The following MGA variants were observed in gnomAD, a reference collection of about 807,000 sequenced individuals.
MGA encodes the protein MAX gene-associated protein.
A neutral mutation model predicts 261.1 loss-of-function variants in MGA; 40 were observed. That is an observed-to-expected ratio of 0.15 (90% confidence interval 0.12 to 0.20). The LOEUF (loss-of-function observed/expected upper bound fraction) is 0.20, where lower values mean the gene tolerates loss of function less well. MGA is among the 10% of genes least tolerant of loss of function. The pLI is 1.00. For synonymous variants in MGA, 1,302 were observed against 1,290.6 expected, an observed-to-expected ratio of 1.01 and a Z score of -0.19; for missense variants, 3,397 against 3,630.5, an observed-to-expected ratio of 0.94 and a Z score of 1.65.
In MGA at chr15:41,743,025, C is replaced by G; in HGVS notation, c.5065C>G (p.Pro1689Ala). ...AGCATCTCCTTCAACCATAACTCTT[C>G]CTGTTGCTTCCACTGCTTCCACCTC... Residue 1689 changes from proline (P) to alanine (A), a missense_variant, in exon 15 of 24, where the codon CCT becomes GCT. Pro to Ala is a conservative substitution (Grantham distance 27). Coordinates refer to ENST00000219905, the MANE Select transcript of MGA (RefSeq NM_001164273.2). The G allele has an allele frequency of 6.2e-7, 1 of 1,613,982 alleles. No homozygotes were observed. The highest frequency in any genetic ancestry group is 8.5e-7 in the Non-Finnish European group (1 of 1,179,880).
intron 11 of MGA, among the ~76,000 whole-genome samples, chr15:41,729,667 C>CA (rs572661702): frequency 3.8e-4 from 55 of 143,586 alleles, no homozygotes; most frequent in East Asian, 8.1e-4. Context: ...ACTAAAAATA[C>CA]AAAAAAAAAA....
intron 1 of MGA, among the ~76,000 whole-genome samples, chr15:41,624,721 C>A (rs965430500): frequency 6.6e-6 from 1 of 152,168 alleles, no homozygotes; most frequent in Non-Finnish European, 1.5e-5. Flanking sequence ...CTTCCCATCT[C>A]GGCCTCCTAA....
intron 2 of MGA, among the ~76,000 whole-genome samples, chr15:41,687,623 AT>A (rs1566976936): frequency 1.3e-5 from 2 of 152,164 alleles, no homozygotes; most frequent in Admixed American, 1.3e-4. Flanking sequence ...CATTCTACAC[AT>A]TTGGTATGTT....
intron 15 of MGA, 126 bp downstream of exon 15, chr15:41,743,298 T>A: frequency 8.3e-7 from 1 of 1,210,382 alleles, no homozygotes; most frequent in Non-Finnish European, 1.1e-6. Flanking sequence ...ACATGATACA[T>A]GTATTCCTGA....
At chr15:41,750,656 T>A (rs752011091) in intron 17 of MGA, 41 bp downstream of exon 17, 9 of 1,512,660 alleles carry the variant, frequency 5.9e-6, no homozygotes, top group Non-Finnish European at 6.2e-6. Flanking sequence ...CCTAAAGGAT[T>A]TAAATGATTT....
chr15:41,660,851 T>C (rs1411315556), intron 1 of MGA, among the ~76,000 whole-genome samples: 3 of 151,900 alleles, frequency 2.0e-5, no homozygotes, highest in African/African-American at 7.3e-5. Context: ...TGCCCTCGCG[T>C]GTGTGGGGTG....
intron 5 of MGA, among the ~76,000 whole-genome samples, chr15:41,700,477 C>G (rs887723147): frequency 6.6e-6 from 1 of 152,124 alleles, no homozygotes; most frequent in African/African-American, 2.4e-5. Flanking sequence ...CTCCCACTTA[C>G]GAGTGAAAAC....
intron 1 of MGA, among the ~76,000 whole-genome samples, chr15:41,632,821 T>C (rs1461650284): frequency 6.7e-6 from 1 of 150,138 alleles, no homozygotes; most frequent in African/African-American, 2.4e-5. Context: ...TTGGCTTCAA[T>C]GCATAATGGG....
intron 17 of MGA, 176 bp downstream of exon 17, chr15:41,750,791 A>G: frequency 1.7e-6 from 1 of 583,364 alleles, no homozygotes; most frequent in South Asian, 2.9e-5. Context: ...AGCATCATTT[A>G]TTGAGCTTTT....
At chr15:41,736,098 T>G (rs2061763038) in intron 12 of MGA, 83 bp from the exon 13 acceptor site, 16 of 1,209,322 alleles carry the variant, frequency 1.3e-5, no homozygotes, top group South Asian at 7.0e-5. Flanking sequence ...AATGTGACAG[T>G]TTTTTTTCAG....
chr15:41,735,354 A>G (rs1288044858), intron 12 of MGA, among the ~76,000 whole-genome samples: 1 of 152,224 alleles, frequency 6.6e-6, no homozygotes, highest in Non-Finnish European at 1.5e-5. Context: ...TGATCTGCAA[A>G]CAGTGTAGAA....
intron 9 of MGA, among the ~76,000 whole-genome samples, chr15:41,714,925 T>A (rs2060550675): frequency 6.6e-6 from 1 of 152,196 alleles, no homozygotes; most frequent in South Asian, 2.1e-4. Context: ...CATAAACTTT[T>A]TTTCTGTAAA....
chr15:41,662,998 G>C (rs1356429978), intron 1 of MGA, among the ~76,000 whole-genome samples: 1 of 152,164 alleles, frequency 6.6e-6, no homozygotes, highest in African/African-American at 2.4e-5. Flanking sequence ...TTTTGGGGTT[G>C]AGCACAGTAC....
intron 14 of MGA, among the ~76,000 whole-genome samples, chr15:41,741,825 C>T (rs932567329): frequency 6.6e-6 from 1 of 152,038 alleles, no homozygotes; most frequent in Non-Finnish European, 1.5e-5. Context: ...CATTCTCCTG[C>T]CTCAGCCTCC....
In MGA at chr15:41,769,068, T is replaced by C. The variant is rs2063932804; in HGVS notation, c.*1788T>C. The C allele has an allele frequency of 6.6e-6, 1 of 152,664 alleles. No homozygotes were observed. 9.5% of individuals were successfully genotyped at this position (152,664 alleles called of 1,614,324 possible). The stretch of plus-strand genomic sequence containing the variant: ...TCTTTACCCAGCAGATTTCATTCAA[T>C]GCCTTAGCCAAGGAGTCCAGCACCT... On this transcript the variant is annotated 3_prime_UTR_variant, in exon 24 of 24. Transcript: ENST00000219905.
intron 15 of MGA, among the ~76,000 whole-genome samples, chr15:41,747,101 CTTCTGCATTAAAT>C (rs1333273232): frequency 1.3e-5 from 2 of 152,014 alleles, no homozygotes; most frequent in East Asian, 3.9e-4. Context: ...TAATTCACAT[CTTCTGCATTAAAT>C]TTCTGCTTTT....
At chr15:41,683,428 C>G (rs2058779421) in intron 2 of MGA, among the ~76,000 whole-genome samples, 1 of 152,024 alleles carries the variant, frequency 6.6e-6, no homozygotes, top group Admixed American at 6.6e-5. Flanking sequence ...TACAAGGTCT[C>G]ACTGTGTTTC....
At chr15:41,709,711 C>T (rs886905466) in intron 7 of MGA, among the ~76,000 whole-genome samples, 2 of 151,946 alleles carry the variant, frequency 1.3e-5, no homozygotes, top group Admixed American at 6.6e-5. Context: ...GCCGGGATTA[C>T]AGGCATGAAC....
At chr15:41,663,431 G>A (rs1450803418) in intron 1 of MGA, among the ~76,000 whole-genome samples, 1 of 152,060 alleles carries the variant, frequency 6.6e-6, no homozygotes, top group Non-Finnish European at 1.5e-5. Context: ...GATGTTGCTA[G>A]AAGATTTATT....
Sources: gnomAD v4.1 joint callset for allele counts (sites outside exome capture counted in the v4.1 genomes callset) on GRCh38, gnomAD v4.1.1 for gene constraint, MANE v1.5 for transcripts, NCBI Gene and HGNC (gene_info 2026-07-23, HGNC 2026-07-21) for gene names.